NHEJ1: variants seen among roughly 807,000 people sequenced by gnomAD.
NHEJ1 encodes the protein non-homologous end-joining factor 1.
In NHEJ1, 22 loss-of-function variants were observed where a neutral mutation model predicts 39.4. That is an observed-to-expected ratio of 0.56 (90% CI 0.40 to 0.80). NHEJ1 has a LOEUF of 0.80. Among genes scored for constraint, NHEJ1 ranks in the 30% least tolerant of loss-of-function variants. NHEJ1 has a pLI of 0.00. For missense variants in NHEJ1, 329 were observed against 357.1 expected (o/e 0.92, Z 0.63); for synonymous variants, 154 against 135.6 (o/e 1.14, Z -0.94).
At chr2:219,160,582 C>T (rs1409679131) in intron 1 of NHEJ1, 138 bp downstream of exon 1, 1 of 152,184 alleles carries the variant, frequency 6.6e-6, no homozygotes. Flanking sequence ...GCCCACCCCT[C>T]CCCCGGAGGC....
rs528791763 is a variant in NHEJ1 at position 219,118,577 on chromosome 2, G to GA, written c.588+28102dup. On this transcript the variant is annotated intron_variant, in intron 5 of 7. Transcript: ENST00000356853. ...CAGGCTCCGCTGAGGTTTCTCGGGTGAAACACGCCTCTGTGATGGCTGTGT... is the reference window on the plus strand; with the variant it reads ...CAGGCTCCGCTGAGGTTTCTCGGGTGAAAACACGCCTCTGTGATGGCTGTGT... Among the ~76,000 whole-genome samples the GA allele has an allele frequency of 1.0e-3, 153 of 152,300 alleles. 1 individual carries two copies. Among genetic ancestry groups the GA allele is most frequent in the African/African-American group, 3.0e-3 (126 of 41,554 alleles).
intron 5 of NHEJ1, among the ~76,000 whole-genome samples, chr2:219,117,268 A>G (rs558580297): frequency 7.4e-4 from 112 of 152,298 alleles, no homozygotes; most frequent in African/African-American, 2.5e-3. Context: ...TGGAAATCTG[A>G]AATCCCACGA....
intron 5 of NHEJ1, among the ~76,000 whole-genome samples, chr2:219,110,711 G>A (rs1485433587): frequency 6.6e-6 from 1 of 151,950 alleles, no homozygotes; most frequent in Admixed American, 6.6e-5. Flanking sequence ...AGGAAGTGAA[G>A]GAATGAATCA....
At chr2:219,154,921 A>G (rs1002257237) in intron 3 of NHEJ1, among the ~76,000 whole-genome samples, 1 of 147,484 alleles carries the variant, frequency 6.8e-6, no homozygotes, top group Admixed American at 6.8e-5. Context: ...TTATATTAAT[A>G]TAGATTAATA....
intron 5 of NHEJ1, among the ~76,000 whole-genome samples, chr2:219,141,050 G>A (rs1010094819): frequency 2.0e-5 from 3 of 152,126 alleles, no homozygotes; most frequent in Non-Finnish European, 4.4e-5. Flanking sequence ...CTGACCAGGA[G>A]ACAAGTTAGG....
At chr2:219,112,069 A>G (rs1949371135) in intron 5 of NHEJ1, among the ~76,000 whole-genome samples, 1 of 152,232 alleles carries the variant, frequency 6.6e-6, no homozygotes, top group Non-Finnish European at 1.5e-5. Flanking sequence ...TAGAGTGGAA[A>G]AGGAAAGCTT....
chr2:219,153,194 G>A (rs193078395), intron 3 of NHEJ1, among the ~76,000 whole-genome samples: 4 of 152,164 alleles, frequency 2.6e-5, no homozygotes, highest in African/African-American at 9.7e-5. Context: ...TATTACATAT[G>A]TTCTTTTATT....
chr2:219,156,181 G>A (rs1048993718), intron 3 of NHEJ1, among the ~76,000 whole-genome samples: 7 of 151,912 alleles, frequency 4.6e-5, no homozygotes, highest in Admixed American at 4.6e-4. Flanking sequence ...CCCGGGAGGC[G>A]GAGCTTGCAG....
rs1346285207 is a variant in NHEJ1 at position 219,139,681 on chromosome 2, T to C, written c.588+6999A>G. On this transcript the variant is annotated intron_variant, in intron 5 of 7. Transcript: ENST00000356853. ...TTGGTTTTTTGGGGTTTTTTGTTTT[T>C]GTTTTTGTTTTCTGAGACAGAGTCT... is the stretch of plus-strand genomic sequence containing the variant. 2.0e-5 allele frequency among the ~76,000 whole-genome samples: 3 copies of C among 152,176 alleles called. No individual in the cohort carries two copies. The East Asian group carries it at 5.8e-4, about 29-fold the overall frequency.
intron 5 of NHEJ1, among the ~76,000 whole-genome samples, chr2:219,140,677 G>A (rs905689421): frequency 6.6e-6 from 1 of 152,118 alleles, no homozygotes; most frequent in African/African-American, 2.4e-5. Context: ...GTAAATCTGG[G>A]CATACGACTG....
At position 219,091,269 on chromosome 2, in the gene NHEJ1, G is replaced by A. The variant is rs1184913490; in HGVS notation, c.589-13063C>T. Reference sequence around the variant, plus strand: ...AAAAGCCAGAAGCTGAAACTTGGGCGACTTCTCAGTTCTTTTTTCCGCAGT... The same window carrying A: ...AAAAGCCAGAAGCTGAAACTTGGGCAACTTCTCAGTTCTTTTTTCCGCAGT... On this transcript the variant is annotated intron_variant, in intron 5 of 7. Coordinates refer to ENST00000356853, the MANE Select transcript of NHEJ1 (RefSeq NM_024782.3). Among the ~76,000 whole-genome samples the A allele has an allele frequency of 3.9e-5, 6 of 152,258 alleles. No homozygotes were observed. In the East Asian group the frequency reaches 5.8e-4, roughly 15 times the overall value.
intron 4 of NHEJ1, 83 bp downstream of exon 4, chr2:219,147,574 T>C: frequency 4.5e-6 from 7 of 1,570,464 alleles, no homozygotes; most frequent in Non-Finnish European, 6.1e-6. Context: ...ACTTCTCTAA[T>C]GCAAATGAGT....
At position 219,157,572 on chromosome 2, in the gene NHEJ1, CAGG is replaced by C. The variant is rs780020412; in HGVS notation, c.287_289del (p.Ser96del). On this transcript the variant is annotated inframe_deletion, in exon 3 of 8. Transcript: ENST00000356853. ...AATCAGTGCATCTGCCACACAATCA[CAGG>C]AGAAGGTAGCTTCGCTAGGGTGAGC... 5 of 1,614,188 alleles carry C rather than the reference CAGG, an allele frequency of 3.1e-6. No individual in the cohort carries two copies. Among genetic ancestry groups the C allele is most frequent in the Admixed American group, 1.7e-5 (1 of 60,020 alleles).
At chr2:219,155,949 A>G (rs1342956878) in intron 3 of NHEJ1, among the ~76,000 whole-genome samples, 1 of 148,410 alleles carries the variant, frequency 6.7e-6, no homozygotes, top group Non-Finnish European at 1.5e-5. Flanking sequence ...AAATAAAATT[A>G]AAATAAAAAT....
intron 1 of NHEJ1, among the ~76,000 whole-genome samples, chr2:219,159,592 TATATATATGC>T (rs1949907405): frequency 1.1e-5 from 1 of 94,046 alleles, no homozygotes; most frequent in African/African-American, 3.3e-5. Flanking sequence ...TATATGCATA[TATATATATGC>T]ATATATATAC....
At chr2:219,084,004 T>C (rs1949089899) in intron 5 of NHEJ1, among the ~76,000 whole-genome samples, 1 of 148,174 alleles carries the variant, frequency 6.7e-6, no homozygotes. Flanking sequence ...TTTTCTTTCT[T>C]TGCTTTTTTT....
intron 5 of NHEJ1, among the ~76,000 whole-genome samples, chr2:219,100,516 C>T (rs1949246808): frequency 6.7e-6 from 1 of 149,934 alleles, no homozygotes; most frequent in Admixed American, 6.7e-5. Flanking sequence ...GAGACTGAGG[C>T]ATGAGAATCA....
At chr2:219,139,088 T>A (rs939632527) in intron 5 of NHEJ1, among the ~76,000 whole-genome samples, 1 of 152,032 alleles carries the variant, frequency 6.6e-6, no homozygotes, top group Admixed American at 6.6e-5. Context: ...CATTTTCTTT[T>A]CTTTTTCTTT....
chr2:219,147,869 A>G (rs1030120036), intron 3 of NHEJ1, 74 bp from the exon 4 acceptor site: 53 of 1,409,032 alleles, frequency 3.8e-5, no homozygotes, highest in Non-Finnish European at 5.1e-5. Flanking sequence ...AGGTACCAGA[A>G]AAAATACCGA....
Sources: allele counts gnomAD v4.1 joint callset (sites outside exome capture counted in the v4.1 genomes callset), GRCh38; gene constraint gnomAD v4.1.1; transcripts MANE v1.5; gene names NCBI Gene and HGNC (gene_info 2026-07-23, HGNC 2026-07-21).